Variants in PRKG1 observed in about 807,000 individuals in gnomAD.
PRKG1 encodes protein kinase cGMP-dependent 1.
In PRKG1, 35 loss-of-function variants were observed where a neutral mutation model predicts 88.1. The ratio of observed to expected loss-of-function variants is 0.40; its 90% CI spans 0.30 to 0.53. The LOEUF (loss-of-function observed/expected upper bound fraction) is 0.53. Ranked by LOEUF, PRKG1 falls within the 20% of genes least tolerant of loss-of-function variation. The pLI is 0.59. For missense variants in PRKG1, 540 were observed against 839.8 expected (o/e 0.64, Z 4.41); for synonymous variants, 303 against 292.5 (o/e 1.04, Z -0.37).
At chr10:51,214,685 C>T (rs1275660459) in intron 2 of PRKG1, among the ~76,000 whole-genome samples, 1 of 151,830 alleles carries the variant, frequency 6.6e-6, no homozygotes, top group Non-Finnish European at 1.5e-5. Flanking sequence ...ATTATGTTGC[C>T]CAGTCTGATC....
intron 3 of PRKG1, among the ~76,000 whole-genome samples, chr10:51,528,502 A>G (rs892321402): frequency 4.9e-5 from 5 of 102,244 alleles, no homozygotes; most frequent in South Asian, 3.1e-4. Flanking sequence ...AAGGAAAATC[A>G]CTTAGCTTAA....
At position 51,123,424 on chromosome 10, in the gene PRKG1, G is replaced by A. The variant is rs193267106; in HGVS notation, c.312-29740G>A. 8.5e-4 allele frequency among the ~76,000 whole-genome samples: 130 copies of A among 152,184 alleles called. 1 individual carries two copies. The highest frequency in any genetic ancestry group is 2.7e-3 in the African/African-American group (114 of 41,520). On this transcript the variant is annotated intron_variant, in intron 1 of 17. Coordinates refer to ENST00000373980, the MANE Select transcript of PRKG1 (RefSeq NM_006258.4). ...CCTGAGCCCGGGCCTGGTGGCTCAC[G>A]CCTGTAATCCCAGCACTTTGAGAGG...
chr10:51,505,677 A>G (rs1009163863), intron 3 of PRKG1, among the ~76,000 whole-genome samples: 1 of 152,050 alleles, frequency 6.6e-6, no homozygotes, highest in African/African-American at 2.4e-5. Context: ...CAGAGATTCA[A>G]CTTCTTCCTG....
At chr10:51,727,684 G>T (rs993070590) in intron 3 of PRKG1, among the ~76,000 whole-genome samples, 9 of 152,160 alleles carry the variant, frequency 5.9e-5, no homozygotes, top group African/African-American at 2.2e-4. Context: ...CCGGAGAGTA[G>T]TTCAATAGGC....
At chr10:52,245,716 G>T (rs1841004556) in intron 9 of PRKG1, among the ~76,000 whole-genome samples, 1 of 150,820 alleles carries the variant, frequency 6.6e-6, no homozygotes, top group Non-Finnish European at 1.5e-5. Flanking sequence ...CAGGCTAACT[G>T]ATTTGCATGT....
At chr10:51,790,670 C>T (rs114628829) in intron 3 of PRKG1, among the ~76,000 whole-genome samples, 147 of 152,214 alleles carry the variant, frequency 9.7e-4, no homozygotes, top group African/African-American at 3.3e-3. Flanking sequence ...AAAGTCAACA[C>T]GTGGTATCAC....
chr10:51,255,569 A>G (rs147339284), intron 2 of PRKG1, among the ~76,000 whole-genome samples: 1 of 152,150 alleles, frequency 6.6e-6, no homozygotes, highest in Non-Finnish European at 1.5e-5. Context: ...TCTACAAAGC[A>G]TTGCTTTTTC....
chr10:52,233,784 G>C (rs990072459), intron 9 of PRKG1, among the ~76,000 whole-genome samples: 12 of 150,150 alleles, frequency 8.0e-5, no homozygotes, highest in African/African-American at 1.5e-4. Flanking sequence ...CAAAGCAGCC[G>C]GGAAGCTCGA....
chr10:51,672,932 A>T (rs532731722), intron 3 of PRKG1, among the ~76,000 whole-genome samples: 1 of 152,292 alleles, frequency 6.6e-6, no homozygotes, highest in East Asian at 1.9e-4. Context: ...GTAAACTTTC[A>T]TAGGCACATG....
At chr10:51,163,504 G>A (rs1846423136) in intron 2 of PRKG1, among the ~76,000 whole-genome samples, 1 of 152,134 alleles carries the variant, frequency 6.6e-6, no homozygotes, top group Non-Finnish European at 1.5e-5. Flanking sequence ...GAGGTACCGG[G>A]TTCATCTCAC....
At chr10:51,226,702 C>T (rs1265704878) in intron 2 of PRKG1, among the ~76,000 whole-genome samples, 1 of 152,030 alleles carries the variant, frequency 6.6e-6, no homozygotes, top group Non-Finnish European at 1.5e-5. Context: ...AAGAACTCCA[C>T]AGAAATAAAC....
chr10:51,380,442 A>G (rs771122463), intron 2 of PRKG1, among the ~76,000 whole-genome samples: 1 of 152,116 alleles, frequency 6.6e-6, no homozygotes, highest in Non-Finnish European at 1.5e-5. Flanking sequence ...TATTTTGTTT[A>G]TTTCTCTATC....
chr10:52,186,385 C>T (rs1406645184), intron 9 of PRKG1, among the ~76,000 whole-genome samples: 2 of 152,010 alleles, frequency 1.3e-5, no homozygotes, highest in African/African-American at 4.8e-5. Context: ...GTGTGATTTG[C>T]CCCTATGATC....
At position 52,226,766 on chromosome 10, in the gene PRKG1, T is replaced by C. The variant is rs16928074; in HGVS notation, c.1077-24804T>C. ...TCAGGACTATTAGGTATCTTGTATATATCACAAAGGAACAGGTCAAAATCC... is the reference window on the plus strand; with the variant it reads ...TCAGGACTATTAGGTATCTTGTATACATCACAAAGGAACAGGTCAAAATCC... On this transcript the variant is annotated intron_variant, in intron 9 of 17. Transcript: ENST00000373980. 0.033 allele frequency among the ~76,000 whole-genome samples: 4,903 copies of C among 148,424 alleles called. 503 individuals carry two copies. The East Asian group carries it at 0.37, about 11-fold the overall frequency.
intron 2 of PRKG1, among the ~76,000 whole-genome samples, chr10:51,246,472 G>A (rs1589276039): frequency 1.3e-5 from 2 of 151,970 alleles, no homozygotes; most frequent in South Asian, 4.2e-4. Context: ...CATATTGTCT[G>A]TGACTACTTC....
rs1232255515 is a variant in PRKG1 at position 52,295,712 on chromosome 10, C to G, written c.*1812C>G. ...TCTGGAAGAAAAAGTCCAATTAGAT[C>G]ATTACACCTTAACTAAGAAGGCAAA... On this transcript the variant is annotated 3_prime_UTR_variant, in exon 18 of 18. Coordinates refer to ENST00000373980, the MANE Select transcript of PRKG1 (RefSeq NM_006258.4). 2 of 151,848 alleles carry G rather than the reference C, an allele frequency of 1.3e-5. No individual in the cohort carries two copies. The allele number at this position is 151,848 out of a possible 1,614,324, so 9.4% of individuals were successfully genotyped here.
intron 1 of PRKG1, among the ~76,000 whole-genome samples, chr10:51,101,582 C>G (rs1844681588): frequency 6.6e-6 from 1 of 152,116 alleles, no homozygotes; most frequent in African/African-American, 2.4e-5. Context: ...TTCTAGTTAG[C>G]AATGGAAGAT....
chr10:51,203,819 A>G (rs1837974369), intron 2 of PRKG1, among the ~76,000 whole-genome samples: 1 of 152,188 alleles, frequency 6.6e-6, no homozygotes, highest in Non-Finnish European at 1.5e-5. Flanking sequence ...ACTCTTGCTG[A>G]TATTTCCTCC....
At chr10:51,189,992 C>T (rs745616104) in intron 2 of PRKG1, among the ~76,000 whole-genome samples, 6 of 151,764 alleles carry the variant, frequency 4.0e-5, no homozygotes, top group African/African-American at 4.8e-5. Flanking sequence ...TCAGATCTTC[C>T]GACTCTTTGT....
Sources: allele counts gnomAD v4.1 joint callset (sites outside exome capture counted in the v4.1 genomes callset), GRCh38; gene constraint gnomAD v4.1.1; transcripts MANE v1.5; gene names NCBI Gene and HGNC (gene_info 2026-07-23, HGNC 2026-07-21).